ZFC3H1: variants seen among roughly 807,000 people sequenced by gnomAD.
ZFC3H1 encodes the protein zinc finger C3H1-type containing.
A neutral mutation model predicts 243.7 loss-of-function variants in ZFC3H1; 71 were observed. The observed-to-expected ratio is 0.29, with a 90% CI of 0.24 to 0.36. The LOEUF (loss-of-function observed/expected upper bound fraction) is 0.36. Among genes scored for constraint, ZFC3H1 ranks in the 10% least tolerant of loss-of-function variants. The pLI is 1.00. For synonymous variants in ZFC3H1, 838 were observed against 813.0 expected (o/e 1.03, Z -0.52); for missense variants, 1,966 against 2,317.1 (o/e 0.85, Z 3.11).
intron 24 of ZFC3H1, among the ~76,000 whole-genome samples, chr12:71,622,926 G>A (rs146657213): frequency 8.6e-5 from 13 of 151,738 alleles, no homozygotes; most frequent in East Asian, 5.8e-4. Flanking sequence ...CACAATAGTC[G>A]TATCATTTAA....
chr12:71,634,219 T>C lies in ZFC3H1; in HGVS notation c.2446A>G (p.Ile816Val), dbSNP rs765452681. ...TTAGTAACCATTGCTATCCTGCCAA[T>C]ACCATCAATTTCCACATCAGAGTTT... ...PANSDVEIDGIGRIAMVTKQV... is the reference protein window; with the variant it reads ...PANSDVEIDGVGRIAMVTKQV... The change falls in exon 12 of 35, where the codon ATT becomes GTT. Residue 816 changes from isoleucine to valine, a missense_variant. Ile to Val is a conservative substitution (Grantham distance 29). Coordinates refer to ENST00000378743, the MANE Select transcript of ZFC3H1 (RefSeq NM_144982.5). The C allele has an allele frequency of 6.2e-6, 10 of 1,613,994 alleles. No individual in the cohort carries two copies. In the Admixed American group the frequency reaches 1.3e-4, roughly 22 times the overall value.
At chr12:71,648,026 G>A (rs573258988) in intron 2 of ZFC3H1, among the ~76,000 whole-genome samples, 1 of 152,066 alleles carries the variant, frequency 6.6e-6, no homozygotes, top group Non-Finnish European at 1.5e-5. Flanking sequence ...AAGGCAAAAT[G>A]ATTCAAAATA....
chr12:71,648,861 G>A (rs574279787), intron 2 of ZFC3H1, among the ~76,000 whole-genome samples: 4 of 152,140 alleles, frequency 2.6e-5, no homozygotes, highest in South Asian at 4.1e-4. Flanking sequence ...AGGCCGAGGC[G>A]GGTGGATCAC....
intron 27 of ZFC3H1, among the ~76,000 whole-genome samples, chr12:71,618,039 C>T (rs922600974): frequency 5.9e-5 from 9 of 152,022 alleles, no homozygotes; most frequent in South Asian, 2.1e-4. Flanking sequence ...CCAAGGCAGG[C>T]GGATTGCCTG....
At chr12:71,648,815 C>G (rs1366874420) in intron 2 of ZFC3H1, among the ~76,000 whole-genome samples, 1 of 152,156 alleles carries the variant, frequency 6.6e-6, no homozygotes, top group Non-Finnish European at 1.5e-5. Context: ...AGCAGCCAGG[C>G]ACAGTGGCTT....
chr12:71,634,542 T>G (rs182349319), intron 11 of ZFC3H1, among the ~76,000 whole-genome samples, 162 bp downstream of exon 11: 1 of 152,230 alleles, frequency 6.6e-6, no homozygotes, highest in African/African-American at 2.4e-5. Flanking sequence ...TTCAAGTGTA[T>G]GTATGACCAT....
At chr12:71,651,395 T>C (rs1880883280) in intron 2 of ZFC3H1, among the ~76,000 whole-genome samples, 1 of 152,212 alleles carries the variant, frequency 6.6e-6, no homozygotes, top group African/African-American at 2.4e-5. Context: ...TTCTCTTTCA[T>C]AACAGTTAAT....
At chr12:71,621,716 T>C (rs1416910510) in intron 24 of ZFC3H1, among the ~76,000 whole-genome samples, 1 of 152,146 alleles carries the variant, frequency 6.6e-6, no homozygotes, top group Non-Finnish European at 1.5e-5. Flanking sequence ...ACTTACCAGT[T>C]TTCTATTAAT....
intron 7 of ZFC3H1, among the ~76,000 whole-genome samples, chr12:71,638,027 T>G (rs1280174417): frequency 1.3e-5 from 2 of 152,066 alleles, no homozygotes; most frequent in Admixed American, 6.6e-5. Context: ...ACCATTTTTA[T>G]GAAAAGAGGA....
chr12:71,655,565 TAAC>T (rs1297856301), intron 2 of ZFC3H1, among the ~76,000 whole-genome samples: 1 of 152,242 alleles, frequency 6.6e-6, no homozygotes, highest in South Asian at 2.1e-4. Context: ...ATAACTTCTG[TAAC>T]TTACAGGAAA....
chr12:71,656,152 G>A (rs576134015), intron 2 of ZFC3H1, among the ~76,000 whole-genome samples: 2 of 152,264 alleles, frequency 1.3e-5, no homozygotes, highest in Non-Finnish European at 2.9e-5. Context: ...AAAGACACTT[G>A]GAGAAACTGT....
At position 71,663,171 on chromosome 12, in the gene ZFC3H1, C is replaced by G. The variant is rs761214710; in HGVS notation, c.440G>C (p.Arg147Pro). Residue 147 changes from arginine (R) to proline (P), a missense_variant, in exon 1 of 35, where the codon CGA (arginine) becomes CCA (proline). Arg to Pro is a moderately radical substitution (Grantham distance 103). Transcript: ENST00000378743. ...ACTCCCACCCCGGTAAGGCCTGCCTCGAAAGCGGAAACGGTCCAAGGCGAG... is the reference window on the plus strand; with the variant it reads ...ACTCCCACCCCGGTAAGGCCTGCCTGGAAAGCGGAAACGGTCCAAGGCGAG... ...SHLALDRFRF[R>P]GRPYRGGSRW... 1.2e-6 allele frequency: 2 copies of G among 1,614,118 alleles called. No individual in the cohort carries two copies. Among genetic ancestry groups the G allele is most frequent in the Admixed American group, 3.3e-5 (2 of 60,024 alleles).
Position 71,663,694 on chromosome 12 carries a change from C to T in ZFC3H1, c.-84G>A. On this transcript the variant is annotated 5_prime_UTR_variant, in exon 1 of 35. Coordinates refer to ENST00000378743, the MANE Select transcript of ZFC3H1 (RefSeq NM_144982.5). Reference sequence around the variant, plus strand: ...TTGCCTCGTTTCCCTTCTTTCCTAACGGACTGGGTCGGTGCGGTCTTACCC... The same window carrying T: ...TTGCCTCGTTTCCCTTCTTTCCTAATGGACTGGGTCGGTGCGGTCTTACCC... 2 of 1,482,208 alleles carry T rather than the reference C, an allele frequency of 1.3e-6. No individual in the cohort carries two copies. Among genetic ancestry groups the T allele is most frequent in the Non-Finnish European group, 1.8e-6 (2 of 1,096,278 alleles). 91.8% of individuals were successfully genotyped at this position (1,482,208 alleles called of 1,614,324 possible). A position where few individuals can be genotyped will look rare whatever the true frequency, so the allele number is the denominator to read the frequency against.
intron 22 of ZFC3H1, among the ~76,000 whole-genome samples, chr12:71,624,864 G>A (rs11831146): frequency 0.031 from 4,784 of 152,308 alleles, 213 homozygotes; most frequent in African/African-American, 0.11. Flanking sequence ...CTACTTGGGA[G>A]GCTGAGGCAG....
In ZFC3H1 at chr12:71,629,590, C is replaced by CACTT; in HGVS notation, c.3826+15_3826+18dup. ...ACACACACACACACACACACACACA[C>CACTT]ACTTATATATGTACTTACTATGACC... On this transcript the variant is annotated intron_variant, in intron 19 of 34. Transcript: ENST00000378743. 6.7e-7 allele frequency: 1 copy of CACTT among 1,485,488 alleles called. No homozygotes were observed. Among genetic ancestry groups the CACTT allele is most frequent in the Non-Finnish European group, 9.4e-7 (1 of 1,068,712 alleles). 92.0% of individuals were successfully genotyped at this position (1,485,488 alleles called of 1,614,324 possible). A position where few individuals can be genotyped will look rare whatever the true frequency, so the allele number is the denominator to read the frequency against.
At position 71,633,484 on chromosome 12, in the gene ZFC3H1, G is replaced by A. The variant is rs940964023; in HGVS notation, c.2511-46C>T. 5.5e-6 allele frequency: 8 copies of A among 1,446,004 alleles called. No homozygotes were observed. The East Asian group carries it at 7.4e-5, about 13-fold the overall frequency. The allele number at this position is 1,446,004 out of a possible 1,614,324, so 89.6% of individuals were successfully genotyped here. A position where few individuals can be genotyped will look rare whatever the true frequency, so the allele number is the denominator to read the frequency against. ...TTCTTGTTAATGTTTCCCTACAAGA[G>A]CAGACTGTCAGAATAAAAAAATTTT... On this transcript the variant is annotated intron_variant, in intron 12 of 34. Transcript: ENST00000378743.
chr12:71,626,123 G>A (rs1268967646), intron 22 of ZFC3H1, 137 bp downstream of exon 22: 3 of 843,290 alleles, frequency 3.6e-6, no homozygotes, highest in Non-Finnish European at 4.9e-6. Flanking sequence ...ACTAGAAACT[G>A]AAAGTAAGGT....
intron 24 of ZFC3H1, among the ~76,000 whole-genome samples, chr12:71,622,074 C>T (rs1465213433): frequency 6.6e-6 from 1 of 152,206 alleles, no homozygotes; most frequent in Non-Finnish European, 1.5e-5. Context: ...ACAGAATTCT[C>T]AGTCTGATAA....
chr12:71,621,170 C>T (rs1305725461), intron 24 of ZFC3H1, among the ~76,000 whole-genome samples: 1 of 152,126 alleles, frequency 6.6e-6, no homozygotes, highest in Non-Finnish European at 1.5e-5. Context: ...TATCTCATAG[C>T]CTCAACTACT....
Sources: allele counts gnomAD v4.1 joint callset (sites outside exome capture counted in the v4.1 genomes callset), GRCh38; gene constraint gnomAD v4.1.1; transcripts MANE v1.5; gene names NCBI Gene and HGNC (gene_info 2026-07-23, HGNC 2026-07-21).